Variants in STX4 observed in about 807,000 individuals in gnomAD.
STX4 encodes syntaxin 4, also known as syntaxin-4.
STX4 carries 24 observed loss-of-function variants against 41.8 expected under a neutral mutation model. The ratio of observed to expected loss-of-function variants is 0.57; its 90% CI spans 0.42 to 0.81. STX4 has a LOEUF of 0.81. Among genes scored for constraint, STX4 ranks in the 30% least tolerant of loss-of-function variants. STX4 has a pLI of 0.00. For synonymous variants in STX4, 158 were observed against 156.4 expected, an observed-to-expected ratio of 1.01 and a Z score of -0.08; for missense variants, 316 against 389.9, an observed-to-expected ratio of 0.81 and a Z score of 1.60.
rs926211273 is a variant in STX4, at chr16:31,033,686, G to C, written c.-120G>C. 1.5e-5 allele frequency: 21 copies of C among 1,447,136 alleles called. No homozygotes were observed. The highest frequency in any genetic ancestry group is 4.4e-4 in the Middle Eastern group (2 of 4,516). The allele number at this position is 1,447,136 out of a possible 1,614,324, so 89.6% of individuals were successfully genotyped here. A position where few individuals can be genotyped will look rare whatever the true frequency, so the allele number is the denominator to read the frequency against. ...CAAGGGACGGAGCCTCTGGCGGCTC[G>C]TGGGGGTGTTGGGGTCCGCAGGGGG... On this transcript the variant is annotated 5_prime_UTR_variant, in exon 1 of 11. Coordinates refer to ENST00000313843, the MANE Select transcript of STX4 (RefSeq NM_004604.5). This position sits in a 1 kb window ranked among gnomAD's most constrained non-coding sequence, Gnocchi z 5.5.
chr16:31,036,936 A>C (rs753037384), intron 5 of STX4, among the ~76,000 whole-genome samples: 3 of 151,780 alleles, frequency 2.0e-5, no homozygotes, highest in African/African-American at 7.3e-5. Context: ...AGAAGGAGAG[A>C]TCATAGAGGG....
chr16:31,034,115 G>A lies in STX4; in HGVS notation c.132+1G>A. The A allele has an allele frequency of 6.2e-7, 1 of 1,609,386 alleles. No individual in the cohort carries two copies. The highest frequency in any genetic ancestry group is 8.5e-7 in the Non-Finnish European group (1 of 1,176,978). ...CCCGGACGAGGAGTTCTTCCACAAG[G>A]TAAGGGGCTGGGGTCTCCGCCTGGA... On this transcript the variant is annotated splice_donor_variant, in intron 2 of 10. Transcript: ENST00000313843. LOFTEE classifies it high-confidence loss of function.
chr16:31,034,597 C>G (rs746918992), intron 4 of STX4, 61 bp downstream of exon 4: 47 of 1,475,188 alleles, frequency 3.2e-5, no homozygotes, highest in Non-Finnish European at 4.1e-5. Flanking sequence ...GTTGGTATAT[C>G]TGGGGAGTGT....
intron 5 of STX4, among the ~76,000 whole-genome samples, chr16:31,036,082 G>GACACCTAGTTTTAAA: frequency 6.6e-6 from 1 of 152,004 alleles, no homozygotes. Context: ...CGCGGCCCCT[G>GACACCTAGTTTTAAA]GGGTGATATC....
chr16:31,033,466 G>A, upstream of STX4: 7 of 1,548,972 alleles, frequency 4.5e-6, no homozygotes, highest in Non-Finnish European at 5.2e-6. The surrounding 1 kb of genome is among the most constrained non-coding windows in gnomAD (Gnocchi z 5.5). Context: ...TCCGCTCGGG[G>A]CGCAACAACT....
At chr16:31,035,301 G>C (rs759458324) in intron 5 of STX4, among the ~76,000 whole-genome samples, 4 of 152,194 alleles carry the variant, frequency 2.6e-5, no homozygotes, top group Non-Finnish European at 5.9e-5. Context: ...ACAAGACCTA[G>C]TCTTGGCTGT....
chr16:31,038,400 G>C, intron 7 of STX4, 110 bp from the exon 8 acceptor site: 3 of 1,484,192 alleles, frequency 2.0e-6, no homozygotes, highest in Non-Finnish European at 2.8e-6. Context: ...AGCCTGCCTG[G>C]AGTCACCCAT....
rs1444860774 is a variant in STX4, at chr16:31,033,905, A to C, written c.30+70A>C. On this transcript the variant is annotated intron_variant, in intron 1 of 10. Coordinates refer to ENST00000313843, the MANE Select transcript of STX4 (RefSeq NM_004604.5). This position sits in a 1 kb window ranked among gnomAD's most constrained non-coding sequence, Gnocchi z 5.5. ...GAACGCAGGACTTCTGGTCTTCGGG[A>C]TAGGGAGGGGTGGCTGATGGCCAGG... The C allele has an allele frequency of 6.9e-7, 1 of 1,456,014 alleles. No individual in the cohort carries two copies. The allele number at this position is 1,456,014 out of a possible 1,614,324, so 90.2% of individuals were successfully genotyped here. A position where few individuals can be genotyped will look rare whatever the true frequency, so the allele number is the denominator to read the frequency against.
At position 31,040,032 on chromosome 16, in the gene STX4, C is replaced by G; in HGVS notation, c.*136C>G. 1 of 588,080 alleles carries G rather than the reference C, an allele frequency of 1.7e-6. No homozygotes were observed. Among genetic ancestry groups the G allele is most frequent in the Non-Finnish European group, 3.0e-6 (1 of 330,420 alleles). 36.4% of individuals were successfully genotyped at this position (588,080 alleles called of 1,614,324 possible). A position where few individuals can be genotyped will look rare whatever the true frequency, so the allele number is the denominator to read the frequency against. ...CCCCTATGCAGAAGGGCAGACAGTT[C>G]TTCTGGGGTTGGCAGCTGCTCATTC... On this transcript the variant is annotated 3_prime_UTR_variant, in exon 11 of 11. Coordinates refer to ENST00000313843, the MANE Select transcript of STX4 (RefSeq NM_004604.5).
At chr16:31,034,363 C>G (rs1379945788) in intron 3 of STX4, 38 bp downstream of exon 3, 14 of 1,612,952 alleles carry the variant, frequency 8.7e-6, no homozygotes, top group African/African-American at 1.3e-5. Context: ...ATGCTCCGCC[C>G]CAGGGATTGT....
rs1027422217 is a variant in STX4, at chr16:31,034,975, G to C, written c.313G>C (p.Glu105Gln). Residue 105 changes from glutamate (E) to glutamine (Q), a missense_variant, in exon 5 of 11, where the codon GAG becomes CAG. Coordinates refer to ENST00000313843, the MANE Select transcript of STX4 (RefSeq NM_004604.5). ...ACCCCTGTGTCTTCCCACAGCCATA[G>C]AGCCCCAGAAGGAGGAAGCTGATGA... Reference protein sequence around the residue: ...REIRLQLKAIEPQKEEADENY... With the variant: ...REIRLQLKAIQPQKEEADENY... 6 of 1,605,902 alleles carry C rather than the reference G, an allele frequency of 3.7e-6. No homozygotes were observed. Among genetic ancestry groups the C allele is most frequent in the South Asian group, 3.4e-5 (3 of 89,084 alleles).
chr16:31,035,263 A>G (rs2056791531), intron 5 of STX4, among the ~76,000 whole-genome samples: 1 of 152,170 alleles, frequency 6.6e-6, no homozygotes, highest in African/African-American at 2.4e-5. Context: ...ATTTTCTTCC[A>G]TTCAATAGGA....
chr16:31,038,120 C>G lies in STX4; in HGVS notation c.494C>G (p.Ala165Gly), dbSNP rs1442076826. 2.5e-6 allele frequency: 4 copies of G among 1,614,130 alleles called. No individual in the cohort carries two copies. In the South Asian group the frequency reaches 4.4e-5, roughly 18 times the overall value. The part of the protein sequence containing the change: ...RIRRQLKITN[A>G]GMVSDEELEQ... ...CTGGCCTTTTCCTTCACAGCCAATGCTGGGATGGTGTCTGATGAGGAGTTG... is the reference window on the plus strand; with the variant it reads ...CTGGCCTTTTCCTTCACAGCCAATGGTGGGATGGTGTCTGATGAGGAGTTG... Residue 165 changes from alanine to glycine, a missense_variant, in exon 7 of 11, where the codon GCT (alanine) becomes GGT (glycine). Transcript: ENST00000313843.
At chr16:31,033,459 G>A, upstream of STX4, 1 of 1,547,602 alleles carries the variant, frequency 6.5e-7, no homozygotes, top group South Asian at 1.2e-5. The surrounding 1 kb of genome is among the most constrained non-coding windows in gnomAD (Gnocchi z 5.5). Context: ...CTCCGCTTCC[G>A]CTCGGGGCGC....
chr16:31,037,419 A>G lies in STX4; in HGVS notation c.379-507A>G, dbSNP rs544266753. 1.5e-3 allele frequency among the ~76,000 whole-genome samples: 227 copies of G among 150,758 alleles called. 4 individuals carry two copies. The highest frequency in any genetic ancestry group is 0.014 in the Middle Eastern group (4 of 294). On this transcript the variant is annotated intron_variant, in intron 5 of 10. Coordinates refer to ENST00000313843, the MANE Select transcript of STX4 (RefSeq NM_004604.5). ...CCAGGTGCAGTGGCTCACGCCTGTAATGGAGGCCGAGGCAGGTGGATCACA... is the reference window on the plus strand; with the variant it reads ...CCAGGTGCAGTGGCTCACGCCTGTAGTGGAGGCCGAGGCAGGTGGATCACA...
At position 31,038,491 on chromosome 16, in the gene STX4, A is replaced by C. The variant is rs921171186; in HGVS notation, c.565-19A>C. ...CGGTCTCCCTGTGAACAGTTGCCCC[A>C]CTCCTGTCCACCCCCCAGATCCTGA... On this transcript the variant is annotated intron_variant, in intron 7 of 10. Coordinates refer to ENST00000313843, the MANE Select transcript of STX4 (RefSeq NM_004604.5). 3.1e-6 allele frequency: 5 copies of C among 1,612,958 alleles called. No homozygotes were observed. Among genetic ancestry groups the C allele is most frequent in the Middle Eastern group, 1.7e-4 (1 of 6,058 alleles).
At position 31,033,563 on chromosome 16, in the gene STX4, G is replaced by A. The variant is rs1257936996; in HGVS notation, c.-243G>A. On this transcript the variant is annotated 5_prime_UTR_variant, in exon 1 of 11. Coordinates refer to ENST00000313843, the MANE Select transcript of STX4 (RefSeq NM_004604.5). The surrounding 1 kb of genome is among the most constrained non-coding windows in gnomAD (Gnocchi z 5.5). Reference sequence around the variant, plus strand: ...ATTTATCACGGAGGGGCGGGGCTGAGGCTGCGGGAGCTGGAGCGGGGAAGA... The same window carrying A: ...ATTTATCACGGAGGGGCGGGGCTGAAGCTGCGGGAGCTGGAGCGGGGAAGA... The A allele has an allele frequency of 1.3e-6, 2 of 1,545,426 alleles. No homozygotes were observed. The highest frequency in any genetic ancestry group is 2.4e-5 in the South Asian group (2 of 83,914).
intron 3 of STX4, 35 bp downstream of exon 3, chr16:31,034,360 G>A: frequency 1.2e-6 from 2 of 1,613,146 alleles, no homozygotes; most frequent in Non-Finnish European, 1.7e-6. Flanking sequence ...CGCATGCTCC[G>A]CCCCAGGGAT....
upstream of STX4, chr16:31,033,363 C>T: frequency 1.1e-6 from 1 of 894,736 alleles, no homozygotes; most frequent in Non-Finnish European, 1.8e-6. This position sits in a 1 kb window ranked among gnomAD's most constrained non-coding sequence, Gnocchi z 5.5. Flanking sequence ...GTACAAATGA[C>T]GTATTCCTAC....
Sources: gnomAD v4.1 joint callset for allele counts (sites outside exome capture counted in the v4.1 genomes callset) on GRCh38, gnomAD v4.1.1 for gene constraint, Gnocchi (gnomAD v3.1) non-coding constraint, MANE v1.5 for transcripts, NCBI Gene and HGNC (gene_info 2026-07-23, HGNC 2026-07-21) for gene names.